C5orf34: variants seen among roughly 807,000 people sequenced by gnomAD.
C5orf34 encodes the protein uncharacterized protein C5orf34.
A neutral mutation model predicts 78.4 loss-of-function variants in C5orf34; 73 were observed. The observed-to-expected ratio is 0.93, with a 90% CI of 0.77 to 1.13. The LOEUF (loss-of-function observed/expected upper bound fraction) is 1.13. Ranked by LOEUF, C5orf34 falls within the 50% of genes most tolerant of loss-of-function variation. The pLI is 0.00. For synonymous variants in C5orf34, 251 were observed against 246.6 expected (o/e 1.02, Z -0.17); for missense variants, 730 against 732.7 (o/e 1.00, Z 0.04).
intron 12 of C5orf34, among the ~76,000 whole-genome samples, 173 bp from the exon 13 acceptor site, chr5:43,487,284 CTAAT>C (rs1463298936): frequency 6.6e-6 from 1 of 151,902 alleles, no homozygotes; most frequent in Non-Finnish European, 1.5e-5. Context: ...GATGAAGAAA[CTAAT>C]TACAGTATAA....
At chr5:43,502,965 A>G (rs935353991) in intron 5 of C5orf34, among the ~76,000 whole-genome samples, 1 of 152,256 alleles carries the variant, frequency 6.6e-6, no homozygotes, top group African/African-American at 2.4e-5. Flanking sequence ...GCAGCCAGGT[A>G]CAATCAAGGT....
chr5:43,514,753 T>G (rs1255963468), intron 1 of C5orf34, 53 bp downstream of exon 1: 1 of 152,128 alleles, frequency 6.6e-6, no homozygotes, highest in African/African-American at 2.4e-5. Context: ...TGCTATAGTC[T>G]CTAGTTACAG....
At chr5:43,512,542 A>AGCATT (rs1023659217) in intron 1 of C5orf34, among the ~76,000 whole-genome samples, 2 of 152,172 alleles carry the variant, frequency 1.3e-5, no homozygotes, top group Non-Finnish European at 2.9e-5. Context: ...AACGTGTAAC[A>AGCATT]GCATTGTCTA....
chr5:43,506,385 T>C lies in C5orf34; in HGVS notation c.295A>G (p.Ile99Val), dbSNP rs770775696. The change falls in exon 4 of 13, where the codon ATT becomes GTT. Residue 99 changes from isoleucine to valine, a missense_variant. Coordinates refer to ENST00000306862, the MANE Select transcript of C5orf34 (RefSeq NM_198566.4). ...IPSERKKHIF[I>V]DITEVRWPSL... ...GGCCATCTCACTTCTGTTATGTCAA[T>C]GAAGATATGCTGCAAGGAGAGGGGA... is the stretch of plus-strand genomic sequence containing the variant. 6.9e-6 allele frequency: 11 copies of C among 1,601,262 alleles called. No individual in the cohort carries two copies. In the East Asian group the frequency reaches 9.0e-5, roughly 13 times the overall value.
chr5:43,514,795 C>A lies in C5orf34; in HGVS notation c.-37+11G>T, dbSNP rs962794414. 5 of 152,214 alleles carry A rather than the reference C, an allele frequency of 3.3e-5. No homozygotes were observed. The highest frequency in any genetic ancestry group is 3.3e-4 in the Admixed American group (5 of 15,280). The allele number at this position is 152,214 out of a possible 1,614,324, so 9.4% of individuals were successfully genotyped here. ...CCTGATCAAAACAACCACCAAAAGT[C>A]TTCCACTCACAGCAGTTCGGAGCCG... On this transcript the variant is annotated intron_variant, in intron 1 of 12. Coordinates refer to ENST00000306862, the MANE Select transcript of C5orf34 (RefSeq NM_198566.4).
chr5:43,510,303 A>G (rs981015198), intron 1 of C5orf34, among the ~76,000 whole-genome samples: 1 of 152,028 alleles, frequency 6.6e-6, no homozygotes, highest in African/African-American at 2.4e-5. Flanking sequence ...TTAATCTCCT[A>G]TTATCTTGGA....
chr5:43,494,856 G>A (rs1236557636), intron 6 of C5orf34, among the ~76,000 whole-genome samples: 1 of 151,622 alleles, frequency 6.6e-6, no homozygotes, highest in Non-Finnish European at 1.5e-5. Context: ...AAAAAGTACT[G>A]ATTTTAAAAA....
chr5:43,487,665 G>T (rs1745119781), intron 12 of C5orf34, among the ~76,000 whole-genome samples: 2 of 152,004 alleles, frequency 1.3e-5, no homozygotes. Context: ...CTCCAAAGGA[G>T]ACCTTAACCC....
chr5:43,490,560 A>G lies in C5orf34; in HGVS notation c.1679+71T>C, dbSNP rs1009998296. 27 of 984,090 alleles carry G rather than the reference A, an allele frequency of 2.7e-5. No homozygotes were observed. In the African/African-American group the frequency reaches 3.3e-4, roughly 12 times the overall value. 61.0% of individuals were successfully genotyped at this position (984,090 alleles called of 1,614,324 possible). ...TTTTTGGGGAAAAAAGTCTCAGTTT[A>G]CCATTTGACATTTTAATTTTTTTTA... On this transcript the variant is annotated intron_variant, in intron 11 of 12. Coordinates refer to ENST00000306862, the MANE Select transcript of C5orf34 (RefSeq NM_198566.4).
intron 11 of C5orf34, among the ~76,000 whole-genome samples, chr5:43,488,946 A>G (rs1352343990): frequency 3.9e-5 from 6 of 151,994 alleles, no homozygotes; most frequent in Non-Finnish European, 8.8e-5. Context: ...AACAGATCAC[A>G]TGCACCTCCC....
At chr5:43,510,144 G>C (rs562365142) in intron 1 of C5orf34, among the ~76,000 whole-genome samples, 15 of 152,164 alleles carry the variant, frequency 9.9e-5, no homozygotes, top group Admixed American at 4.6e-4. Context: ...TAAGAATGCA[G>C]CAAATTGTTT....
At chr5:43,492,686 A>G (rs746031820) in intron 9 of C5orf34, 34 bp downstream of exon 9, 2 of 1,555,386 alleles carry the variant, frequency 1.3e-6, no homozygotes, top group Non-Finnish European at 1.7e-6. Flanking sequence ...CAGATTACCA[A>G]TAAAAAATAG....
chr5:43,514,053 T>C (rs572938186), intron 1 of C5orf34: 2 of 152,300 alleles, frequency 1.3e-5, no homozygotes, highest in East Asian at 3.9e-4. Flanking sequence ...TCCTCTTGAA[T>C]TTGCAATTTG....
intron 8 of C5orf34, 60 bp from the exon 9 acceptor site, chr5:43,492,950 G>C (rs1745346819): frequency 1.7e-6 from 2 of 1,209,184 alleles, no homozygotes; most frequent in Non-Finnish European, 2.3e-6. Flanking sequence ...AGATTTAAAT[G>C]AATATTAATG....
At chr5:43,511,215 G>A (rs1368049654) in intron 1 of C5orf34, 2 of 172,014 alleles carry the variant, frequency 1.2e-5, no homozygotes, top group South Asian at 1.2e-4. Flanking sequence ...CAGCCGACCC[G>A]TCTGAGAAGT....
At position 43,503,275 on chromosome 5, in the gene C5orf34, C is replaced by T. The variant is rs892174536; in HGVS notation, c.1028+390G>A. Among the ~76,000 whole-genome samples, 3 of 152,294 alleles carry T rather than the reference C, an allele frequency of 2.0e-5. No homozygotes were observed. The South Asian group carries it at 6.2e-4, about 32-fold the overall frequency. On this transcript the variant is annotated intron_variant, in intron 5 of 12. Coordinates refer to ENST00000306862, the MANE Select transcript of C5orf34 (RefSeq NM_198566.4). ...TTGCTTTGTGAATGAAGGCTAAAAT[C>T]TCCCTTAGGTGATCTAACTTCTCTA...
chr5:43,502,288 C>A, intron 6 of C5orf34, 84 bp downstream of exon 6: 1 of 1,418,684 alleles, frequency 7.0e-7, no homozygotes, highest in South Asian at 1.2e-5. Context: ...TATATAATGA[C>A]CAAATTTCCC....
Position 43,506,294 on chromosome 5 carries a change from T to C in C5orf34, c.386A>G (p.Asp129Gly). ...GGGCAGGCAGAGGTATGCATGACCATCTAAAGATGTTATCTTCACAATGCC... is the reference window on the plus strand; with the variant it reads ...GGGCAGGCAGAGGTATGCATGACCACCTAAAGATGTTATCTTCACAATGCC... Reference protein sequence around the residue: ...ESGIVKITSLDGHAYLCLPRS... With the variant: ...ESGIVKITSLGGHAYLCLPRS... The change falls in exon 4 of 13, where the codon GAT becomes GGT. Residue 129 changes from aspartate to glycine, a missense_variant. Asp to Gly is a moderately conservative substitution (Grantham distance 94). Coordinates refer to ENST00000306862, the MANE Select transcript of C5orf34 (RefSeq NM_198566.4). 1 of 1,614,154 alleles carries C rather than the reference T, an allele frequency of 6.2e-7. No individual in the cohort carries two copies. Among genetic ancestry groups the C allele is most frequent in the Non-Finnish European group, 8.5e-7 (1 of 1,180,030 alleles).
intron 1 of C5orf34, among the ~76,000 whole-genome samples, chr5:43,513,460 C>CT (rs1423411614): frequency 5.9e-5 from 9 of 152,210 alleles, no homozygotes; most frequent in African/African-American, 2.2e-4. Context: ...CCAGAGGGAT[C>CT]TTTTAAAATG....
Sources: allele counts gnomAD v4.1 joint callset (sites outside exome capture counted in the v4.1 genomes callset), GRCh38; gene constraint gnomAD v4.1.1; transcripts MANE v1.5; gene names NCBI Gene and HGNC (gene_info 2026-07-23, HGNC 2026-07-21).